The following ZNF800 variants were observed in gnomAD, a reference collection of about 807,000 sequenced individuals.
The protein encoded by ZNF800 is zinc finger protein 800.
In ZNF800, 13 loss-of-function variants were observed where a neutral mutation model predicts 59.5. The observed-to-expected ratio is 0.22, with a 90% confidence interval of 0.14 to 0.35. The LOEUF is 0.35. Ranked by LOEUF, ZNF800 falls within the 10% of genes least tolerant of loss-of-function variation. ZNF800 has a pLI of 1.00. For missense variants in ZNF800, 621 were observed against 783.7 expected (o/e 0.79, Z 2.48); for synonymous variants, 266 against 265.7 (o/e 1.00, Z -0.01).
chr7:127,374,594 G>A lies in ZNF800; in HGVS notation c.742C>T (p.His248Tyr). ...TTTTTCTTGTGTACTTTTCGAATGTGACGGCGAACACCTCGTCTAGAATTG... is the reference window on the plus strand; with the variant it reads ...TTTTTCTTGTGTACTTTTCGAATGTAACGGCGAACACCTCGTCTAGAATTG... ...EFNSRRGVRR[H>Y]IRKVHKKKME... Residue 248 changes from histidine to tyrosine, a missense_variant, in exon 5 of 6, where the codon CAC becomes TAC. By Grantham distance (83) the His-to-Tyr change is moderately conservative. Around this residue, in one of 7 missense-constraint regions of ZNF800, gnomAD observed 218 missense variants for 230.8 expected, o/e 0.94. Coordinates refer to ENST00000265827, the MANE Select transcript of ZNF800 (RefSeq NM_176814.5). The A allele has an allele frequency of 6.2e-7, 1 of 1,614,086 alleles. No homozygotes were observed. Among genetic ancestry groups the A allele is most frequent in the East Asian group, 2.2e-5 (1 of 44,886 alleles).
Position 127,391,487 on chromosome 7 carries a change from A to AG in ZNF800, c.61+9dup. The AG allele has an allele frequency of 6.2e-7, 1 of 1,614,072 alleles. No individual in the cohort carries two copies. The highest frequency in any genetic ancestry group is 1.1e-5 in the South Asian group (1 of 91,080). On this transcript the variant is annotated intron_variant, in intron 2 of 5. Transcript: ENST00000265827. ...GAGGGCAAAGCAACTGCGGACGAAG[A>AG]GGGGTCTACCTGGTTCACAGCATCC...
At chr7:127,347,389 TG>T (rs1163306523) in exon 2 of ZNF800, 2 of 37,124 alleles carry the variant, frequency 5.4e-5, no homozygotes, top group Non-Finnish European at 1.1e-4. Flanking sequence ...GGCGGGGGGG[TG>T]GGGAGGTGGG....
At position 127,371,808 on chromosome 7, in the gene ZNF800, A is replaced by C. The variant is rs781202304; in HGVS notation, c.*6T>G. 1.3e-6 allele frequency: 1 copy of C among 767,844 alleles called. No individual in the cohort carries two copies. Among genetic ancestry groups the C allele is most frequent in the Non-Finnish European group, 2.4e-6 (1 of 412,578 alleles). The allele number at this position is 767,844 out of a possible 1,614,324, so 47.6% of individuals were successfully genotyped here. On this transcript the variant is annotated 3_prime_UTR_variant, in exon 6 of 6. Coordinates refer to ENST00000265827, the MANE Select transcript of ZNF800 (RefSeq NM_176814.5). ...TCCAAACCTTTTCGTACATCACTTG[A>C]AGTTATCTGAGGAGAAATGGGAATA...
intron 3 of ZNF800, among the ~76,000 whole-genome samples, chr7:127,382,590 G>A (rs1801008330): frequency 6.6e-6 from 1 of 152,186 alleles, no homozygotes; most frequent in African/African-American, 2.4e-5. Context: ...CAGGGGTTCA[G>A]AGCAAACAGC....
At chr7:127,347,979 G>A (rs1459428435) in exon 2 of ZNF800, 2 of 149,692 alleles carry the variant, frequency 1.3e-5, no homozygotes, top group East Asian at 1.9e-4. Context: ...CCCGCGGGCA[G>A]GCAGCGGCTC....
At chr7:127,376,971 A>G (rs998380676) in intron 4 of ZNF800, among the ~76,000 whole-genome samples, 3 of 151,996 alleles carry the variant, frequency 2.0e-5, no homozygotes, top group African/African-American at 7.2e-5. Context: ...GGAAAACCCA[A>G]GTGGAAAGCA....
intron 1 of ZNF800, among the ~76,000 whole-genome samples, chr7:127,350,890 T>C (rs1241726007): frequency 6.6e-6 from 1 of 152,188 alleles, no homozygotes; most frequent in African/African-American, 2.4e-5. Flanking sequence ...TCTTCTTCCA[T>C]TTGAATATTT....
intron 2 of ZNF800, among the ~76,000 whole-genome samples, chr7:127,390,793 T>G (rs1212462249): frequency 6.6e-6 from 1 of 152,192 alleles, no homozygotes; most frequent in Non-Finnish European, 1.5e-5. Flanking sequence ...AGTAGAACTG[T>G]CAACAGTATA....
rs1291285578 is a variant in ZNF800 at position 127,374,985 on chromosome 7, TAGG to T, written c.348_350del (p.Leu117del). On this transcript the variant is annotated inframe_deletion, in exon 5 of 6. Coordinates refer to ENST00000265827, the MANE Select transcript of ZNF800 (RefSeq NM_176814.5). The stretch of plus-strand genomic sequence containing the variant: ...TGTCCACACTTGGATATATGGCTTC[TAGG>T]AGATCATTTATGGCTTGGCTTTGTT... The T allele has an allele frequency of 2.5e-6, 4 of 1,605,392 alleles. No individual in the cohort carries two copies. Among genetic ancestry groups the T allele is most frequent in the Admixed American group, 3.4e-5 (2 of 58,136 alleles).
intron 2 of ZNF800, among the ~76,000 whole-genome samples, chr7:127,386,591 A>G (rs368730017): frequency 2.0e-5 from 3 of 152,380 alleles, no homozygotes; most frequent in South Asian, 4.1e-4. Flanking sequence ...ATAACTCTGG[A>G]TATTTATGAG....
In ZNF800 at chr7:127,372,441, C is replaced by A. The variant is rs1800658089; in HGVS notation, c.*-627G>T. On this transcript the variant is annotated intron_variant, in intron 5 of 5. Coordinates refer to ENST00000265827, the MANE Select transcript of ZNF800 (RefSeq NM_176814.5). ...GGTGTAGTGAGCCGAGATTGCACCA[C>A]TGCACTCCAGCCTGGGCAACAAGAG... 1.2e-5 allele frequency: 3 copies of A among 256,150 alleles called. No individual in the cohort carries two copies. In the South Asian group the frequency reaches 4.4e-4, roughly 38 times the overall value. 15.9% of individuals were successfully genotyped at this position (256,150 alleles called of 1,614,324 possible). A position where few individuals can be genotyped will look rare whatever the true frequency, so the allele number is the denominator to read the frequency against.
chr7:127,376,658 A>C (rs1013041484), intron 4 of ZNF800, among the ~76,000 whole-genome samples: 2 of 151,980 alleles, frequency 1.3e-5, no homozygotes, highest in Non-Finnish European at 2.9e-5. Flanking sequence ...CTGATCTTCA[A>C]ATCAAGACCT....
intron 1 of ZNF800, among the ~76,000 whole-genome samples, chr7:127,354,580 G>C (rs755537063): frequency 8.5e-5 from 13 of 152,084 alleles, no homozygotes; most frequent in Non-Finnish European, 1.5e-4. Context: ...AATAGCTCTT[G>C]AAAGTCCAAG....
At position 127,377,119 on chromosome 7, in the gene ZNF800, A is replaced by C; in HGVS notation, c.301+67T>G. 1.5e-6 allele frequency: 2 copies of C among 1,344,352 alleles called. No homozygotes were observed. The highest frequency in any genetic ancestry group is 2.3e-5 in the Admixed American group (1 of 42,672). 83.3% of individuals were successfully genotyped at this position (1,344,352 alleles called of 1,614,324 possible). A position where few individuals can be genotyped will look rare whatever the true frequency, so the allele number is the denominator to read the frequency against. The stretch of plus-strand genomic sequence containing the variant: ...GTAACTAGATACAATTTTAATGCAA[A>C]TGTATACTTGCAGTATAAGAATACT... On this transcript the variant is annotated intron_variant, in intron 4 of 5. Coordinates refer to ENST00000265827, the MANE Select transcript of ZNF800 (RefSeq NM_176814.5). This position sits in a 1 kb window ranked among gnomAD's most constrained non-coding sequence, Gnocchi z 4.7.
At chr7:127,387,917 AAC>A (rs141731563) in intron 2 of ZNF800, among the ~76,000 whole-genome samples, 19,850 of 147,534 alleles carry the variant, frequency 0.13, 1,529 homozygotes, top group Middle Eastern at 0.22. Context: ...ATTAATTAAG[AAC>A]ACACACACAC....
chr7:127,379,004 G>GA lies in ZNF800; in HGVS notation c.158-1676dup, dbSNP rs534049724. 9.0e-3 allele frequency among the ~76,000 whole-genome samples: 1,364 copies of GA among 151,970 alleles called. 15 individuals carry two copies. Among genetic ancestry groups the GA allele is most frequent in the Non-Finnish European group, 0.012 (844 of 67,950 alleles). On this transcript the variant is annotated intron_variant, in intron 3 of 5. Coordinates refer to ENST00000265827, the MANE Select transcript of ZNF800 (RefSeq NM_176814.5). The stretch of plus-strand genomic sequence containing the variant: ...AAATTATATACTTGAGTTTCTACTG[G>GA]AAAAAATGTATAGAATAAAATAATT...
At position 127,355,319 on chromosome 7, in the gene ZNF800, G is replaced by A. The variant is rs150887964; in HGVS notation, n.225-7276C>T. On this transcript the variant is annotated intron_variant and non_coding_transcript_variant, in intron 1 of 1. Transcript: ENST00000485577. ...AACTTATTGATAGCTTACAGGACAGGAAGAATGGGGACAGGCCTGGTGATC... is the reference window on the plus strand; with the variant it reads ...AACTTATTGATAGCTTACAGGACAGAAAGAATGGGGACAGGCCTGGTGATC... 2.0e-5 allele frequency among the ~76,000 whole-genome samples: 3 copies of A among 152,186 alleles called. No homozygotes were observed. In the East Asian group the frequency reaches 5.8e-4, roughly 29 times the overall value.
At chr7:127,379,121 T>C (rs564340691) in intron 3 of ZNF800, among the ~76,000 whole-genome samples, 15 of 152,292 alleles carry the variant, frequency 9.8e-5, no homozygotes, top group Admixed American at 9.2e-4. Context: ...ATTCAGAGAA[T>C]AGCCTGAGTG....
Position 127,374,227 on chromosome 7 carries a change from G to T in ZNF800, c.1109C>A (p.Ser370Ter). The T allele has an allele frequency of 6.2e-7, 1 of 1,613,946 alleles. No homozygotes were observed. The highest frequency in any genetic ancestry group is 1.1e-5 in the South Asian group (1 of 91,058). Residue 370 changes from serine (S) to a stop codon, truncating the protein, a stop_gained, in exon 5 of 6, where the codon TCA (serine) becomes TAA (stop). Transcript: ENST00000265827. LOFTEE classifies it high-confidence loss of function. Reference protein sequence around the residue: ...KCLLCKRKYSSQIMLKRHMQI... With the variant: ...KCLLCKRKYS ...CATATGTCTTTTAAGCATTATTTGT[G>T]AACTATATTTCCTCTTGCAAAGGAG...
Sources: gnomAD v4.1 joint callset for allele counts (sites outside exome capture counted in the v4.1 genomes callset) on GRCh38, gnomAD v4.1.1 for gene constraint, gnomAD v4.1.1 regional missense constraint, Gnocchi (gnomAD v3.1) non-coding constraint, MANE v1.5 for transcripts, NCBI Gene and HGNC (gene_info 2026-07-23, HGNC 2026-07-21) for gene names.